The following TPM1 variants were observed in gnomAD, a reference collection of about 807,000 sequenced individuals.
The protein encoded by TPM1 is tropomyosin 1.
A neutral mutation model predicts 42.9 loss-of-function variants in TPM1; 24 were observed. That is an observed-to-expected ratio of 0.56 (90% CI 0.41 to 0.79). The LOEUF (loss-of-function observed/expected upper bound fraction) is 0.79, where lower values mean the gene tolerates loss of function less well. TPM1 is among the 30% of genes least tolerant of loss of function. The pLI is 0.00. For synonymous variants in TPM1, 136 were observed against 130.1 expected, an observed-to-expected ratio of 1.05 and a Z score of -0.31; for missense variants, 158 against 351.8, an observed-to-expected ratio of 0.45 and a Z score of 4.41.
rs922569916 is a variant in TPM1 at position 63,059,699 on chromosome 15, A to C, written c.492+19A>C. The C allele has an allele frequency of 7.0e-6, 11 of 1,575,906 alleles. No individual in the cohort carries two copies. The highest frequency in any genetic ancestry group is 9.6e-6 in the Non-Finnish European group (11 of 1,148,502). On this transcript the variant is annotated intron_variant, in intron 4 of 9. Transcript: ENST00000403994. ...TGAAGAGGTCAGATCCTGGGGCCCA[A>C]AGCCTTGTGGACACCCAGCAGTGGC...
chr15:63,071,015 C>T, downstream of TPM1: 3 of 1,604,720 alleles, frequency 1.9e-6, no homozygotes, highest in South Asian at 1.1e-5. Flanking sequence ...TTGATGTTTG[C>T]CTGCCTAAAT....
chr15:63,068,027 C>G (rs1242092721), downstream of TPM1, among the ~76,000 whole-genome samples: 1 of 152,204 alleles, frequency 6.6e-6, no homozygotes, highest in Admixed American at 6.5e-5. Flanking sequence ...CAGATTTTCT[C>G]CAAAGTTCTT....
At chr15:63,067,833 A>G (rs980107152), downstream of TPM1, among the ~76,000 whole-genome samples, 1 of 152,244 alleles carries the variant, frequency 6.6e-6, no homozygotes, top group Non-Finnish European at 1.5e-5. Context: ...AGTTTCAGAC[A>G]GCTGGGAGTC....
At chr15:63,069,753 C>A, downstream of TPM1, 3 of 1,279,604 alleles carry the variant, frequency 2.3e-6, no homozygotes, top group African/African-American at 1.5e-5. Flanking sequence ...CAGCAAGTGA[C>A]CAGTTGCTGT....
At chr15:63,057,336 A>T (rs1419248248) in intron 3 of TPM1, among the ~76,000 whole-genome samples, 1 of 152,222 alleles carries the variant, frequency 6.6e-6, no homozygotes, top group Non-Finnish European at 1.5e-5. Context: ...AAGGTTACAA[A>T]GAAGAAGATG....
chr15:63,071,227 C>T lies in TPM1; in HGVS notation c.*55C>T, dbSNP rs1000755020. 4 of 740,234 alleles carry T rather than the reference C, an allele frequency of 5.4e-6. No individual in the cohort carries two copies. The African/African-American group carries it at 5.7e-5, about 10-fold the overall frequency. The allele number at this position is 740,234 out of a possible 1,614,324, so 45.9% of individuals were successfully genotyped here. On this transcript the variant is annotated 3_prime_UTR_variant, in exon 9 of 9. Transcript: ENST00000267996. ...CGTTTTGTTTTGTTTTGTTTTTAAA[C>T]ACCTGCTTACCCCTTAAATGCAATT...
downstream of TPM1, chr15:63,070,084 G>C: frequency 6.5e-7 from 1 of 1,533,524 alleles, no homozygotes; most frequent in Non-Finnish European, 8.8e-7. Context: ...TGGCTGAAAG[G>C]CTGGCCTTGC....
At chr15:63,047,883 T>A in intron 2 of TPM1, 1 of 226,878 alleles carries the variant, frequency 4.4e-6, no homozygotes, top group Admixed American at 5.5e-5. Context: ...GTGTCCGAAG[T>A]CACGCAGCAG....
intron 2 of TPM1, among the ~76,000 whole-genome samples, chr15:63,049,663 T>A (rs1172094439): frequency 2.6e-5 from 4 of 152,190 alleles, no homozygotes; most frequent in Non-Finnish European, 5.9e-5. Flanking sequence ...GTTGAGTAAA[T>A]CGTTCTAGTT....
chr15:63,047,072 G>A (rs79854225), intron 2 of TPM1: 18,242 of 152,272 alleles, frequency 0.12, 1,486 homozygotes, highest in East Asian at 0.44. Flanking sequence ...CCAGACACCC[G>A]GTTCCCCCAT....
At chr15:63,044,382 G>A (rs896788501) in intron 2 of TPM1, 2 of 672,060 alleles carry the variant, frequency 3.0e-6, no homozygotes, top group East Asian at 2.7e-5. Flanking sequence ...CCCTGGGGGT[G>A]GAGGTGGGTG....
intron 2 of TPM1, chr15:63,048,696 C>A: frequency 6.5e-7 from 1 of 1,539,008 alleles, no homozygotes; most frequent in Non-Finnish European, 8.8e-7. Context: ...CGAGAGGAAG[C>A]TGAGGGAGAC....
intron 2 of TPM1, chr15:63,048,193 G>A (rs758670876): frequency 4.4e-6 from 2 of 457,968 alleles, no homozygotes; most frequent in South Asian, 1.6e-5. Flanking sequence ...TCACCACCGC[G>A]CCGCGGAGGG....
intron 2 of TPM1, among the ~76,000 whole-genome samples, chr15:63,052,864 TAAGA>T (rs1270649655): frequency 6.6e-6 from 1 of 151,346 alleles, no homozygotes; most frequent in Non-Finnish European, 1.5e-5. Flanking sequence ...AAAGTAAAAA[TAAGA>T]AAGAGAAAAA....
intron 2 of TPM1, chr15:63,048,783 T>TC (rs550511038): frequency 5.7e-4 from 846 of 1,478,866 alleles, no homozygotes; most frequent in African/African-American, 9.3e-4. Context: ...CCCTCCTGCT[T>TC]CCCCCCCCGC....
downstream of TPM1, among the ~76,000 whole-genome samples, chr15:63,068,748 CAG>C (rs1308322682): frequency 6.6e-6 from 1 of 152,158 alleles, no homozygotes; most frequent in Non-Finnish European, 1.5e-5. Context: ...GATCACGTGT[CAG>C]TGTGTAAAAT....
At chr15:63,043,767 G>A (rs2031747897) in intron 1 of TPM1, 1 of 1,549,868 alleles carries the variant, frequency 6.5e-7, no homozygotes, top group Non-Finnish European at 8.7e-7. Context: ...GAGCGGGACC[G>A]GGTGCTGGAG....
Position 63,061,808 on chromosome 15 carries a change from T to C in TPM1, c.639+20T>C. On this transcript the variant is annotated intron_variant, in intron 6 of 9. Coordinates refer to ENST00000403994, the MANE Select transcript of TPM1 (RefSeq NM_001018005.2). ...GAGAAGGTAGGCCAGGAGGATGGTG[T>C]GGGGGAAAGGCATCTTTTAAGAGCT... is the stretch of plus-strand genomic sequence containing the variant. 1 of 1,611,886 alleles carries C rather than the reference T, an allele frequency of 6.2e-7. No homozygotes were observed. Among genetic ancestry groups the C allele is most frequent in the Non-Finnish European group, 8.5e-7 (1 of 1,178,048 alleles).
At chr15:63,061,591 T>C in intron 5 of TPM1, 122 bp from the exon 6 acceptor site, 1 of 951,330 alleles carries the variant, frequency 1.1e-6, no homozygotes, top group East Asian at 2.4e-5. Context: ...ATGATTTGGC[T>C]ACTTTAAGGC....
Sources: gnomAD v4.1 joint callset for allele counts (sites outside exome capture counted in the v4.1 genomes callset) on GRCh38, gnomAD v4.1.1 for gene constraint, MANE v1.5 for transcripts, NCBI Gene and HGNC (gene_info 2026-07-23, HGNC 2026-07-21) for gene names.